EBF3: variants seen among roughly 807,000 people sequenced by gnomAD.
The protein encoded by EBF3 is EBF transcription factor 3.
EBF3 carries 18 observed loss-of-function variants against 77.1 expected under a neutral mutation model. The ratio of observed to expected loss-of-function variants is 0.23; its 90% CI spans 0.16 to 0.35. The LOEUF is 0.35. Among genes scored for constraint, EBF3 ranks in the 10% least tolerant of loss-of-function variants. The pLI is 1.00. For missense variants in EBF3, 558 were observed against 860.0 expected (o/e 0.65, Z 4.39); for synonymous variants, 350 against 343.5 (o/e 1.02, Z -0.21).
In EBF3 at chr10:129,836,598, T is replaced by TA. The variant is rs11390227; in HGVS notation, c.*1344dup. The stretch of plus-strand genomic sequence containing the variant: ...CAATGAATTTGACTTTTCCTCAAAA[T>TA]AAAAAAAAAAAGGATGGAAAGTCTA... On this transcript the variant is annotated 3_prime_UTR_variant, in exon 17 of 17. Transcript: ENST00000440978. 0.74 allele frequency: 109,262 copies of TA among 147,082 alleles called. 40,800 individuals are homozygous for TA. The highest frequency in any genetic ancestry group is 0.83 in the East Asian group (4,182 of 5,062). 9.1% of individuals were successfully genotyped at this position (147,082 alleles called of 1,614,324 possible). A position where few individuals can be genotyped will look rare whatever the true frequency, so the allele number is the denominator to read the frequency against.
chr10:129,847,554 G>A (rs1850558672), intron 11 of EBF3, among the ~76,000 whole-genome samples: 1 of 152,196 alleles, frequency 6.6e-6, no homozygotes, highest in Non-Finnish European at 1.5e-5. Context: ...AAAAGGTAAT[G>A]TCTAAAAGGT....
chr10:129,874,417 T>G (rs1442795352), intron 7 of EBF3, among the ~76,000 whole-genome samples: 2 of 152,118 alleles, frequency 1.3e-5, no homozygotes, highest in African/African-American at 4.8e-5. Context: ...CCTTGCAGAC[T>G]CCATAGACCT....
intron 8 of EBF3, among the ~76,000 whole-genome samples, chr10:129,871,002 G>C (rs1852367901): frequency 6.6e-6 from 1 of 152,172 alleles, no homozygotes; most frequent in Admixed American, 6.5e-5. Context: ...AATTGTGCTT[G>C]GGATGTCCAG....
At chr10:129,909,018 T>C (rs942227411) in intron 6 of EBF3, among the ~76,000 whole-genome samples, 5 of 152,228 alleles carry the variant, frequency 3.3e-5, no homozygotes, top group African/African-American at 1.2e-4. Context: ...CACTCTGATT[T>C]TAAGCACAGC....
chr10:129,953,754 C>G (rs956314898), intron 6 of EBF3, among the ~76,000 whole-genome samples: 1 of 152,216 alleles, frequency 6.6e-6, no homozygotes, highest in Non-Finnish European at 1.5e-5. Context: ...CTTCCATCCA[C>G]CCAGCCCAAG....
chr10:129,841,042 T>TCCCG lies in EBF3; in HGVS notation c.1373-11_1373-10insCGGG, dbSNP rs1554892383. The TCCCG allele has an allele frequency of 5.4e-5, 82 of 1,510,116 alleles. 1 individual carries two copies. Among genetic ancestry groups the TCCCG allele is most frequent in the East Asian group, 7.2e-5 (3 of 41,880 alleles). 93.5% of individuals were successfully genotyped at this position (1,510,116 alleles called of 1,614,324 possible). A position where few individuals can be genotyped will look rare whatever the true frequency, so the allele number is the denominator to read the frequency against. On this transcript the variant is annotated splice_polypyrimidine_tract_variant and intron_variant, in intron 13 of 16. Transcript: ENST00000440978. The surrounding 1 kb of genome is among the most constrained non-coding windows in gnomAD (Gnocchi z 4.6). The stretch of plus-strand genomic sequence containing the variant: ...TTGCGACTGTAGCCGACTGTTGAAA[T>TCCCG]CCCCCCCCCGGCCAAAAATAACATT...
intron 15 of EBF3, among the ~76,000 whole-genome samples, chr10:129,839,608 G>A (rs540146698): frequency 2.6e-5 from 4 of 152,330 alleles, no homozygotes; most frequent in South Asian, 4.1e-4. Flanking sequence ...CTGCAACCTG[G>A]TGTTGGTACA....
At chr10:129,941,890 G>A (rs12260081) in intron 6 of EBF3, among the ~76,000 whole-genome samples, 394 of 152,382 alleles carry the variant, frequency 2.6e-3, no homozygotes, top group Non-Finnish European at 4.8e-3. Flanking sequence ...CCCAGGGCCA[G>A]GTGCTGGGTG....
rs770848397 is a variant in EBF3, at chr10:129,836,849, A to C, written c.*1094T>G. On this transcript the variant is annotated 3_prime_UTR_variant, in exon 17 of 17. Coordinates refer to ENST00000440978, the MANE Select transcript of EBF3 (RefSeq NM_001375380.1). Reference sequence around the variant, plus strand: ...CAATATTTATAATTGATATGTTACAAAATAAAGTCCCTTAGCAACTGCAAG... The same window carrying C: ...CAATATTTATAATTGATATGTTACACAATAAAGTCCCTTAGCAACTGCAAG... 6.6e-6 allele frequency: 1 copy of C among 152,660 alleles called. No homozygotes were observed. Among genetic ancestry groups the C allele is most frequent in the Non-Finnish European group, 1.5e-5 (1 of 68,034 alleles). The allele number at this position is 152,660 out of a possible 1,614,324, so 9.5% of individuals were successfully genotyped here. A position where few individuals can be genotyped will look rare whatever the true frequency, so the allele number is the denominator to read the frequency against.
Position 129,963,603 on chromosome 10 carries a change from G to A in EBF3, c.134+32C>T, listed in dbSNP as rs755215184. On this transcript the variant is annotated intron_variant, in intron 1 of 16. Transcript: ENST00000440978. The surrounding 1 kb of genome is among the most constrained non-coding windows in gnomAD (Gnocchi z 7.1). ...GGGGGCCGGGCCGGGCCGGGGCCGG[G>A]GCCAGGGCGCGCGGGGGCGGCCGGT... 1 of 1,292,902 alleles carries A rather than the reference G, an allele frequency of 7.7e-7. No individual in the cohort carries two copies. The highest frequency in any genetic ancestry group is 9.9e-7 in the Non-Finnish European group (1 of 1,005,878). 80.1% of individuals were successfully genotyped at this position (1,292,902 alleles called of 1,614,324 possible). A position where few individuals can be genotyped will look rare whatever the true frequency, so the allele number is the denominator to read the frequency against.
intron 6 of EBF3, among the ~76,000 whole-genome samples, chr10:129,915,098 G>A (rs1019020875): frequency 1.3e-5 from 2 of 152,184 alleles, no homozygotes; most frequent in African/African-American, 4.8e-5. Flanking sequence ...CATCCACTGG[G>A]GCAGTTTCAG....
intron 5 of EBF3, 68 bp from the exon 6 acceptor site, chr10:129,957,394 T>TTG (rs1311023054): frequency 1.4e-6 from 2 of 1,421,798 alleles, no homozygotes; most frequent in African/African-American, 2.9e-5. Flanking sequence ...TTGTATTTTT[T>TTG]TTTTTTTCTG....
At chr10:129,894,835 A>G (rs918462224) in intron 6 of EBF3, among the ~76,000 whole-genome samples, 1 of 152,188 alleles carries the variant, frequency 6.6e-6, no homozygotes, top group Non-Finnish European at 1.5e-5. Flanking sequence ...CAAGATTCCC[A>G]ATGTTTACAT....
chr10:129,942,935 T>C (rs1857883287), intron 6 of EBF3, among the ~76,000 whole-genome samples: 1 of 152,196 alleles, frequency 6.6e-6, no homozygotes, highest in Non-Finnish European at 1.5e-5. Flanking sequence ...CGCGTTGACA[T>C]TAATTCAGCA....
chr10:129,933,007 G>C (rs1857129086), intron 6 of EBF3, among the ~76,000 whole-genome samples: 1 of 147,680 alleles, frequency 6.8e-6, no homozygotes, highest in Admixed American at 7.0e-5. Flanking sequence ...ACTTGATTCA[G>C]TCAACACTGA....
Position 129,963,712 on chromosome 10 carries a change from C to T in EBF3, c.57G>A (p.Pro19=). Residue 19 remains proline, a synonymous_variant, in exon 1 of 17, where the codon CCG becomes CCA. Transcript: ENST00000440978. The surrounding 1 kb of genome is among the most constrained non-coding windows in gnomAD (Gnocchi z 7.1). Reference sequence around the variant, plus strand: ...GCACCGGGTTCATGCCGCTGCCCAGCGGCTCCTCCTTCATGGTCGTCCCCC... The same window carrying T: ...GCACCGGGTTCATGCCGCTGCCCAGTGGCTCCTCCTTCATGGTCGTCCCCC... ...PRGGTTMKEE[P]LGSGMNPVRS... is the part of the protein sequence containing the mutation. The T allele has an allele frequency of 1.3e-6, 2 of 1,535,888 alleles. No homozygotes were observed. Among genetic ancestry groups the T allele is most frequent in the African/African-American group, 1.4e-5 (1 of 69,954 alleles).
chr10:129,869,558 C>T (rs1384523045), intron 8 of EBF3, among the ~76,000 whole-genome samples: 2 of 152,132 alleles, frequency 1.3e-5, no homozygotes, highest in Non-Finnish European at 2.9e-5. Context: ...GGGTCAGATC[C>T]GGTTGCACAT....
At chr10:129,895,176 G>T (rs764598940) in intron 6 of EBF3, among the ~76,000 whole-genome samples, 77 of 152,226 alleles carry the variant, frequency 5.1e-4, no homozygotes, top group Non-Finnish European at 8.8e-4. Context: ...CTGCTGGGAG[G>T]ACTATATGGA....
chr10:129,896,930 C>T (rs1291399169), intron 6 of EBF3, among the ~76,000 whole-genome samples: 1 of 152,218 alleles, frequency 6.6e-6, no homozygotes, highest in African/African-American at 2.4e-5. Context: ...TCTTTATTGC[C>T]TGTCCTTCAT....
Sources: allele counts gnomAD v4.1 joint callset (sites outside exome capture counted in the v4.1 genomes callset), GRCh38; gene constraint gnomAD v4.1.1; non-coding constraint Gnocchi (gnomAD v3.1); transcripts MANE v1.5; gene names NCBI Gene and HGNC (gene_info 2026-07-23, HGNC 2026-07-21).